FAM135B: variants seen among roughly 807,000 people sequenced by gnomAD.
FAM135B encodes family with sequence similarity 135 member B.
A neutral mutation model predicts 127.7 loss-of-function variants in FAM135B; 43 were observed. The observed-to-expected ratio is 0.34, with a 90% CI of 0.26 to 0.43. The LOEUF (loss-of-function observed/expected upper bound fraction) is 0.43, where lower values mean the gene tolerates loss of function less well. Ranked by LOEUF, FAM135B falls within the 20% of genes least tolerant of loss-of-function variation. The pLI is 1.00. For synonymous variants in FAM135B, 670 were observed against 665.1 expected (o/e 1.01, Z -0.11); for missense variants, 1,558 against 1,725.6 (o/e 0.90, Z 1.72).
At chr8:138,278,887 G>T (rs1156382402) in intron 3 of FAM135B, among the ~76,000 whole-genome samples, 1 of 152,174 alleles carries the variant, frequency 6.6e-6, no homozygotes, top group African/African-American at 2.4e-5. Context: ...ATCAATGCCT[G>T]TGACTCACTA....
rs368284154 is a variant in FAM135B at position 138,139,544 on chromosome 8, G to A, written c.3791-448C>T. On this transcript the variant is annotated intron_variant, in intron 17 of 19. Transcript: ENST00000395297. ...TCCCAGCACTTTGGCAGACCGAGGCGGGTGGATCACCTGAGGTCAGGAGTT... is the reference window on the plus strand; with the variant it reads ...TCCCAGCACTTTGGCAGACCGAGGCAGGTGGATCACCTGAGGTCAGGAGTT... 5.9e-5 allele frequency among the ~76,000 whole-genome samples: 9 copies of A among 152,218 alleles called. No homozygotes were observed. The East Asian group carries it at 1.4e-3, about 23-fold the overall frequency.
Position 138,138,980 on chromosome 8 carries a change from A to G in FAM135B, c.3901+6T>C. 1 of 1,581,796 alleles carries G rather than the reference A, an allele frequency of 6.3e-7. No individual in the cohort carries two copies. The highest frequency in any genetic ancestry group is 8.7e-7 in the Non-Finnish European group (1 of 1,150,608). ...CATAACTGCAGCTGTGGGGGAAACC[A>G]CTGACCTGTTTTTTGGCTTAGTTGG... On this transcript the variant is annotated splice_donor_region_variant and intron_variant, in intron 18 of 19. Transcript: ENST00000395297.
At chr8:138,370,786 G>A (rs1831064226) in intron 1 of FAM135B, among the ~76,000 whole-genome samples, 1 of 152,266 alleles carries the variant, frequency 6.6e-6, no homozygotes, top group East Asian at 1.9e-4. Flanking sequence ...TGTTGATTTT[G>A]CTGGTAACAT....
Position 138,347,544 on chromosome 8 carries a change from G to C in FAM135B, c.77+20363C>G, listed in dbSNP as rs374205755. On this transcript the variant is annotated intron_variant, in intron 2 of 19. Transcript: ENST00000395297. ...AAACAGCCAAAAGGAATGGTGCCCA[G>C]TCAGGATTGCACACAAAGACAGTCT... Among the ~76,000 whole-genome samples the C allele has an allele frequency of 1.3e-4, 20 of 152,316 alleles. No homozygotes were observed. The East Asian group carries it at 2.7e-3, about 21-fold the overall frequency.
intron 7 of FAM135B, among the ~76,000 whole-genome samples, chr8:138,215,064 A>G (rs1012157599): frequency 1.3e-5 from 2 of 152,224 alleles, no homozygotes; most frequent in African/African-American, 4.8e-5. Context: ...CCAGTGACTC[A>G]GACAACACAG....
At chr8:138,181,844 C>T (rs4598297) in intron 9 of FAM135B, among the ~76,000 whole-genome samples, 56,203 of 151,990 alleles carry the variant, frequency 0.37, 11,043 homozygotes, top group African/African-American at 0.51. Flanking sequence ...TTGACCTGCA[C>T]GGGCACCACT....
intron 1 of FAM135B, among the ~76,000 whole-genome samples, chr8:138,418,536 G>A (rs772320774): frequency 6.6e-6 from 1 of 151,748 alleles, no homozygotes; most frequent in Non-Finnish European, 1.5e-5. Context: ...AAAAGTAAAG[G>A]CAGCTAGAGA....
intron 3 of FAM135B, among the ~76,000 whole-genome samples, chr8:138,309,341 C>T (rs947862906): frequency 6.6e-6 from 1 of 152,136 alleles, no homozygotes; most frequent in African/African-American, 2.4e-5. Context: ...GAATGGGTGG[C>T]CTACTTATCA....
At chr8:138,383,124 A>G (rs1831962491) in intron 1 of FAM135B, among the ~76,000 whole-genome samples, 1 of 152,160 alleles carries the variant, frequency 6.6e-6, no homozygotes, top group Non-Finnish European at 1.5e-5. Context: ...TCAACTACTT[A>G]TCTACATGTC....
At chr8:138,247,156 G>T (rs1321179911) in intron 6 of FAM135B, among the ~76,000 whole-genome samples, 1 of 152,192 alleles carries the variant, frequency 6.6e-6, no homozygotes, top group African/African-American at 2.4e-5. Flanking sequence ...TTCGGACTTG[G>T]ACTTTTGGGT....
intron 5 of FAM135B, among the ~76,000 whole-genome samples, chr8:138,255,771 T>G (rs1822036666): frequency 6.6e-6 from 1 of 152,176 alleles, no homozygotes; most frequent in Non-Finnish European, 1.5e-5. Context: ...AGCAGTCTCT[T>G]TCTAAGGAAT....
chr8:138,245,196 A>C lies in FAM135B; in HGVS notation c.543-2128T>G, dbSNP rs546943277. ...AAGGTTGCTGCAGACAAACTTGCAA[A>C]AGACTCTTTCTGTCGGAAGGTTAAA... On this transcript the variant is annotated intron_variant, in intron 6 of 19. Coordinates refer to ENST00000395297, the MANE Select transcript of FAM135B (RefSeq NM_015912.4). 9.2e-5 allele frequency among the ~76,000 whole-genome samples: 14 copies of C among 152,306 alleles called. No individual in the cohort carries two copies. The East Asian group carries it at 2.7e-3, about 29-fold the overall frequency.
At chr8:138,306,518 C>A (rs908101023) in intron 3 of FAM135B, among the ~76,000 whole-genome samples, 1 of 150,576 alleles carries the variant, frequency 6.6e-6, no homozygotes, top group Admixed American at 6.6e-5. Flanking sequence ...AATGTTTAGA[C>A]CTCGTCTCTC....
chr8:138,321,570 G>A (rs1310807726), intron 2 of FAM135B, among the ~76,000 whole-genome samples: 1 of 152,154 alleles, frequency 6.6e-6, no homozygotes, highest in Non-Finnish European at 1.5e-5. Context: ...CTGACTGTGT[G>A]ACCTTGAATA....
intron 19 of FAM135B, among the ~76,000 whole-genome samples, chr8:138,133,880 T>C (rs7008312): frequency 0.26 from 39,370 of 151,674 alleles, 5,414 homozygotes; most frequent in Middle Eastern, 0.31. Context: ...GTGTTTCTTT[T>C]CCCCCCCTTC....
intron 9 of FAM135B, among the ~76,000 whole-genome samples, chr8:138,183,749 T>C (rs960909478): frequency 3.5e-4 from 53 of 152,332 alleles, no homozygotes; most frequent in African/African-American, 1.2e-3. Flanking sequence ...AAATTCAAGT[T>C]GTTCCGGGAG....
rs1191965030 is a variant in FAM135B at position 138,434,764 on chromosome 8, G to A, written c.-20+61907C>T. 3.9e-5 allele frequency among the ~76,000 whole-genome samples: 6 copies of A among 152,150 alleles called. No homozygotes were observed. In the East Asian group the frequency reaches 1.2e-3, roughly 29 times the overall value. ...AATATGTTCACTGTCTATGAAATGG[G>A]GATACCAATCCCACCAGCCTCTTAC... On this transcript the variant is annotated intron_variant, in intron 1 of 19. Coordinates refer to ENST00000395297, the MANE Select transcript of FAM135B (RefSeq NM_015912.4).
chr8:138,409,907 T>C (rs1323717555), intron 1 of FAM135B, among the ~76,000 whole-genome samples: 2 of 143,648 alleles, frequency 1.4e-5, no homozygotes, highest in East Asian at 2.1e-4. Flanking sequence ...AAAAAAGTGA[T>C]GTATGCAAGA....
intron 1 of FAM135B, among the ~76,000 whole-genome samples, chr8:138,390,412 G>A (rs144807021): frequency 8.3e-4 from 127 of 152,226 alleles, no homozygotes; most frequent in African/African-American, 2.8e-3. Context: ...CATGTAAGAT[G>A]TGCCTTTTGC....
Sources: gnomAD v4.1 joint callset for allele counts (sites outside exome capture counted in the v4.1 genomes callset) on GRCh38, gnomAD v4.1.1 for gene constraint, MANE v1.5 for transcripts, NCBI Gene and HGNC (gene_info 2026-07-23, HGNC 2026-07-21) for gene names.